The following ERMARD variants were observed in gnomAD, a reference collection of about 807,000 sequenced individuals.
ERMARD encodes the protein ER membrane associated RNA degradation.
A neutral mutation model predicts 83.9 loss-of-function variants in ERMARD; 71 were observed. That is an observed-to-expected ratio of 0.85 (90% CI 0.70 to 1.03). The LOEUF (loss-of-function observed/expected upper bound fraction) is 1.03. Among genes scored for constraint, ERMARD ranks in the 50% least tolerant of loss-of-function variants. ERMARD has a pLI of 0.00. For missense variants in ERMARD, 838 were observed against 810.9 expected (o/e 1.03, Z -0.41); for synonymous variants, 284 against 298.6 (o/e 0.95, Z 0.50).
chr6:169,776,439 C>T lies in ERMARD; in HGVS notation c.1521-16C>T. On this transcript the variant is annotated splice_polypyrimidine_tract_variant and intron_variant, in intron 15 of 17. Coordinates refer to ENST00000366773, the MANE Select transcript of ERMARD (RefSeq NM_018341.3). ...GAGGATCATGATGCCTGCTCCAAGT[C>T]TGGCTCTGTTTGCAGGTGGCCCCAG... The T allele has an allele frequency of 1.2e-6, 2 of 1,610,534 alleles. No homozygotes were observed. The highest frequency in any genetic ancestry group is 3.4e-5 in the Admixed American group (2 of 59,510).
chr6:169,762,494 C>T lies in ERMARD; in HGVS notation c.923C>T (p.Thr308Ile). 6.2e-7 allele frequency: 1 copy of T among 1,614,172 alleles called. No homozygotes were observed. Among genetic ancestry groups the T allele is most frequent in the African/African-American group, 1.3e-5 (1 of 75,052 alleles). Residue 308 changes from threonine (T) to isoleucine (I), a missense_variant, in exon 9 of 18, where the codon ACA (threonine) becomes ATA (isoleucine). Coordinates refer to ENST00000366773, the MANE Select transcript of ERMARD (RefSeq NM_018341.3). ...LETGLRNVFATLNRCPKRLLT... is the reference protein window; with the variant it reads ...LETGLRNVFAILNRCPKRLLT... ...ACTGGACTTAGGAATGTTTTTGCCACACTTAACAGATGTCCAAAAAGACTC... is the reference window on the plus strand; with the variant it reads ...ACTGGACTTAGGAATGTTTTTGCCATACTTAACAGATGTCCAAAAAGACTC...
chr6:169,762,308 C>G, intron 8 of ERMARD, 121 bp from the exon 9 acceptor site: 1 of 869,546 alleles, frequency 1.2e-6, no homozygotes, highest in Non-Finnish European at 1.8e-6. Context: ...CTCCTAGCCT[C>G]AAGCGATCCT....
chr6:169,778,395 G>A (rs117259316), intron 16 of ERMARD, among the ~76,000 whole-genome samples: 2,055 of 152,258 alleles, frequency 0.013, 28 homozygotes, highest in Middle Eastern at 0.058. Flanking sequence ...GCAGATTAAC[G>A]TGATTAACAG....
At chr6:169,751,551 T>C, upstream of ERMARD, 1 of 1,610,468 alleles carries the variant, frequency 6.2e-7, no homozygotes, top group African/African-American at 1.3e-5. Flanking sequence ...GTCTCCCACC[T>C]GCGCCTCGTA....
chr6:169,764,653 C>T (rs181178806), intron 9 of ERMARD, among the ~76,000 whole-genome samples: 10 of 152,306 alleles, frequency 6.6e-5, no homozygotes, highest in Non-Finnish European at 8.8e-5. Flanking sequence ...TGATGTCCTG[C>T]TGCCTGCCAG....
At chr6:169,752,178 G>A (rs2128338825) in intron 1 of ERMARD, among the ~76,000 whole-genome samples, 1 of 152,314 alleles carries the variant, frequency 6.6e-6, no homozygotes, top group South Asian at 2.1e-4. Context: ...CCGAGATCGC[G>A]CCACTGCACC....
intron 12 of ERMARD, chr6:169,772,942 T>C (rs1278421515): frequency 5.4e-6 from 1 of 184,468 alleles, no homozygotes; most frequent in Non-Finnish European, 1.1e-5. Context: ...AAAATATGTA[T>C]ATGCTTGGCA....
At chr6:169,756,555 G>T (rs1041891817) in intron 4 of ERMARD, 116 bp downstream of exon 4, 28 of 988,418 alleles carry the variant, frequency 2.8e-5, no homozygotes, top group Non-Finnish European at 3.7e-5. Context: ...AAATCATTTA[G>T]TATGAATTTT....
In ERMARD at chr6:169,781,384, C is replaced by T. The variant is rs151319719; in HGVS notation, c.1908C>T (p.Tyr636=). ...AGAACCTGGTGGCTTACACCAGTTA[C>T]GAAAAGAACAAGTGGAATGAAACTA... ...YTENLVAYTS[Y]EKNKWNETIN... Residue 636 remains tyrosine (Y), a synonymous_variant, in exon 18 of 18, where the codon TAC becomes TAT. Coordinates refer to ENST00000366773, the MANE Select transcript of ERMARD (RefSeq NM_018341.3). 16 of 1,612,388 alleles carry T rather than the reference C, an allele frequency of 9.9e-6. No homozygotes were observed. The highest frequency in any genetic ancestry group is 1.1e-5 in the South Asian group (1 of 90,360).
intron 9 of ERMARD, among the ~76,000 whole-genome samples, chr6:169,764,942 CTT>C (rs1792014099): frequency 6.6e-6 from 1 of 152,246 alleles, no homozygotes; most frequent in African/African-American, 2.4e-5. Context: ...GGCAGTCCTG[CTT>C]TGCCTTACTC....
chr6:169,751,761 G>T, intron 1 of ERMARD, 98 bp downstream of exon 1: 3 of 1,412,310 alleles, frequency 2.1e-6, no homozygotes, highest in Middle Eastern at 2.6e-4. Flanking sequence ...GAGCGAGCAC[G>T]CGCCTGCGGT....
At chr6:169,757,308 C>T (rs1790937367) in intron 5 of ERMARD, among the ~76,000 whole-genome samples, 1 of 152,280 alleles carries the variant, frequency 6.6e-6, no homozygotes, top group East Asian at 1.9e-4. Flanking sequence ...TCCCACCTTC[C>T]CTTTCAAAAT....
At chr6:169,769,479 C>G in intron 11 of ERMARD, 61 bp from the exon 12 acceptor site, 1 of 1,464,290 alleles carries the variant, frequency 6.8e-7, no homozygotes, top group Middle Eastern at 1.8e-4. Flanking sequence ...TTCAGCAACA[C>G]CAGGCACGTC....
At chr6:169,764,229 C>G (rs1791913542) in intron 9 of ERMARD, among the ~76,000 whole-genome samples, 1 of 152,004 alleles carries the variant, frequency 6.6e-6, no homozygotes, top group African/African-American at 2.4e-5. Flanking sequence ...TTCATTCTCA[C>G]AGTCCTGCTG....
Position 169,776,535 on chromosome 6 carries a change from T to G in ERMARD, c.1601T>G (p.Val534Gly). Reference protein sequence around the residue: ...FCPRIVLEVLVVLRSISEQCR... With the variant: ...FCPRIVLEVLGVLRSISEQCR... ...CCCAGGATTGTGCTGGAAGTGCTGG[T>G]TGTGCTCCGAAGCATCAGCGAACAG... Residue 534 changes from valine (V) to glycine (G), a missense_variant, in exon 16 of 18, where the codon GTT becomes GGT. By Grantham distance (109) the Val-to-Gly change is moderately radical (BLOSUM62 -3). Transcript: ENST00000366773. 6.2e-7 allele frequency: 1 copy of G among 1,614,198 alleles called. No individual in the cohort carries two copies. The highest frequency in any genetic ancestry group is 8.5e-7 in the Non-Finnish European group (1 of 1,180,032).
chr6:169,754,056 A>T, intron 2 of ERMARD, 24 bp downstream of exon 2: 4 of 1,574,826 alleles, frequency 2.5e-6, no homozygotes, highest in Non-Finnish European at 3.5e-6. Flanking sequence ...TTGTACTCCA[A>T]ACTTTCATAA....
At chr6:169,758,632 A>G (rs950515781) in intron 5 of ERMARD, among the ~76,000 whole-genome samples, 3 of 152,254 alleles carry the variant, frequency 2.0e-5, no homozygotes, top group Admixed American at 6.5e-5. Context: ...TTAAAGCAGG[A>G]TAACCTGGGT....
rs1043951731 is a variant in ERMARD, at chr6:169,751,815, C to T, written c.6+152C>T. 5.1e-6 allele frequency: 6 copies of T among 1,179,034 alleles called. No individual in the cohort carries two copies. The African/African-American group carries it at 8.2e-5, about 16-fold the overall frequency. The allele number at this position is 1,179,034 out of a possible 1,614,324, so 73.0% of individuals were successfully genotyped here. A position where few individuals can be genotyped will look rare whatever the true frequency, so the allele number is the denominator to read the frequency against. On this transcript the variant is annotated intron_variant, in intron 1 of 17. Transcript: ENST00000366773. ...GGAGGGCGCTGGCGACGTCGCGGCC[C>T]TGGCCTCTGTGGCGGTATCGGACGC...
intron 12 of ERMARD, chr6:169,771,259 A>G (rs1792883177): frequency 6.6e-6 from 1 of 151,222 alleles, no homozygotes; most frequent in African/African-American, 2.4e-5. Flanking sequence ...ATTTTTTTCT[A>G]TTTTTAGTAG....
Sources: allele counts gnomAD v4.1 joint callset (sites outside exome capture counted in the v4.1 genomes callset), GRCh38; gene constraint gnomAD v4.1.1; transcripts MANE v1.5; gene names NCBI Gene and HGNC (gene_info 2026-07-23, HGNC 2026-07-21).